QTMAN: variants seen among roughly 807,000 people sequenced by gnomAD.
QTMAN encodes the protein tRNA-queuosine alpha-mannosyltransferase.
chr2:144,166,320 A>G, the QTMAN span, among the ~76,000 whole-genome samples: 1 of 152,242 alleles, frequency 6.6e-6, no homozygotes, highest in Admixed American at 6.5e-5. Flanking sequence ...CCCCTGCAAG[A>G]AGGCTTTCCA....
At chr2:144,027,267 T>C in the QTMAN span, among the ~76,000 whole-genome samples, 1 of 152,194 alleles carries the variant, frequency 6.6e-6, no homozygotes, top group African/African-American at 2.4e-5. Flanking sequence ...GTCACAGGAA[T>C]AGAATCAAAC....
At chr2:144,090,061 A>C in the QTMAN span, among the ~76,000 whole-genome samples, 1 of 152,088 alleles carries the variant, frequency 6.6e-6, no homozygotes, top group African/African-American at 2.4e-5. Flanking sequence ...ACATTAAAAA[A>C]GCAATCGATG....
At chr2:144,061,746 T>C in the QTMAN span, among the ~76,000 whole-genome samples, 9 of 152,020 alleles carry the variant, frequency 5.9e-5, no homozygotes, top group South Asian at 8.3e-4. Context: ...TGCCCAAATG[T>C]TACCATTTGG....
the QTMAN span, among the ~76,000 whole-genome samples, chr2:144,151,509 T>C: frequency 2.6e-3 from 399 of 152,268 alleles, 2 homozygotes; most frequent in South Asian, 0.018. Flanking sequence ...AAAATGACAC[T>C]GTCTTGGGCT....
At chr2:144,278,736 T>C in the QTMAN span, among the ~76,000 whole-genome samples, 1 of 151,992 alleles carries the variant, frequency 6.6e-6, no homozygotes, top group African/African-American at 2.4e-5. Flanking sequence ...TTATCCACCG[T>C]GATGGAATCA....
chr2:144,161,559 C>T, the QTMAN span, among the ~76,000 whole-genome samples: 14 of 152,042 alleles, frequency 9.2e-5, no homozygotes, highest in African/African-American at 3.4e-4. Flanking sequence ...AATGTCCCTA[C>T]AGTTGAAAAA....
At chr2:144,152,228 G>A in the QTMAN span, among the ~76,000 whole-genome samples, 1 of 152,154 alleles carries the variant, frequency 6.6e-6, no homozygotes, top group African/African-American at 2.4e-5. Flanking sequence ...AGAAGGTAGG[G>A]AATCAAAGAC....
the QTMAN span, among the ~76,000 whole-genome samples, chr2:144,043,796 C>T: frequency 3.3e-5 from 5 of 152,148 alleles, no homozygotes; most frequent in Non-Finnish European, 7.4e-5. Flanking sequence ...ATTAACTGAA[C>T]TTGCCTTGAT....
At chr2:144,206,787 A>G in the QTMAN span, among the ~76,000 whole-genome samples, 1 of 152,336 alleles carries the variant, frequency 6.6e-6, no homozygotes, top group East Asian at 1.9e-4. Context: ...TTTGCATGCT[A>G]TCACACACAT....
At chr2:144,197,093 C>T in the QTMAN span, among the ~76,000 whole-genome samples, 4 of 152,074 alleles carry the variant, frequency 2.6e-5, no homozygotes, top group African/African-American at 7.2e-5. Context: ...ATTTGCATAG[C>T]CTATTGCTCC....
At chr2:144,050,059 A>G in the QTMAN span, among the ~76,000 whole-genome samples, 3 of 152,320 alleles carry the variant, frequency 2.0e-5, no homozygotes, top group African/African-American at 4.8e-5. Context: ...ATATTTTATT[A>G]TCAAATAATA....
the QTMAN span, among the ~76,000 whole-genome samples, chr2:144,089,938 C>T: frequency 3.3e-5 from 5 of 151,862 alleles, no homozygotes; most frequent in Admixed American, 6.6e-5. Context: ...TTGATCACTA[C>T]GCAGTATATA....
At chr2:144,158,838 T>C in the QTMAN span, among the ~76,000 whole-genome samples, 19 of 152,206 alleles carry the variant, frequency 1.2e-4, no homozygotes, top group African/African-American at 4.6e-4. Flanking sequence ...CATTTCAGCC[T>C]TAATATCAGT....
At chr2:144,280,622 G>C in the QTMAN span, among the ~76,000 whole-genome samples, 1 of 152,008 alleles carries the variant, frequency 6.6e-6, no homozygotes, top group Non-Finnish European at 1.5e-5. Context: ...CAGAAAAGAA[G>C]ACCTCATAAA....
At chr2:144,110,405 G>C in the QTMAN span, among the ~76,000 whole-genome samples, 4 of 152,156 alleles carry the variant, frequency 2.6e-5, no homozygotes, top group Admixed American at 2.0e-4. Flanking sequence ...GTGAGGGGAG[G>C]GGGGAAGGAT....
the QTMAN span, among the ~76,000 whole-genome samples, chr2:144,246,579 CAAAAAAAAAAAA>C: frequency 8.6e-3 from 405 of 47,074 alleles, 3 homozygotes; most frequent in African/African-American, 0.032. Flanking sequence ...GACTCCGTCT[CAAAAAAAAAAAA>C]AAAAAAAAAA....
the QTMAN span, among the ~76,000 whole-genome samples, chr2:143,961,888 G>A: frequency 6.6e-6 from 1 of 152,136 alleles, no homozygotes; most frequent in Non-Finnish European, 1.5e-5. Flanking sequence ...GTTACTTGCA[G>A]CTGGTGAATG....
chr2:144,141,863 C>A, the QTMAN span: 1 of 1,554,188 alleles, frequency 6.4e-7, no homozygotes, highest in Middle Eastern at 1.7e-4. Context: ...ATATTGAGAA[C>A]AGAGTCAAAC....
At chr2:144,213,540 G>C in the QTMAN span, among the ~76,000 whole-genome samples, 1 of 152,048 alleles carries the variant, frequency 6.6e-6, no homozygotes, top group African/African-American at 2.4e-5. Flanking sequence ...TTTTAAATCA[G>C]AGGAATTGTT....
Sources: gnomAD v4.1 joint callset for allele counts (sites outside exome capture counted in the v4.1 genomes callset) on GRCh38, gnomAD v4.1.1 for gene constraint, MANE v1.5 for transcripts, NCBI Gene and HGNC (gene_info 2026-07-23, HGNC 2026-07-21) for gene names.